TMEM260: variants seen among roughly 807,000 people sequenced by gnomAD.
TMEM260 encodes the protein transmembrane protein 260.
A neutral mutation model predicts 88.9 loss-of-function variants in TMEM260; 82 were observed. The observed-to-expected ratio is 0.92, with a 90% CI of 0.77 to 1.11. The LOEUF (loss-of-function observed/expected upper bound fraction) is 1.11, where lower values mean the gene tolerates loss of function less well. TMEM260 is among the 50% of genes least tolerant of loss of function. The pLI, the probability that TMEM260 is intolerant of heterozygous loss-of-function variation, is 0.00. For synonymous variants in TMEM260, 314 were observed against 309.3 expected (o/e 1.02, Z -0.16); for missense variants, 902 against 853.4 (o/e 1.06, Z -0.71).
chr14:56,647,214 G>T (rs2139662676), intron 15 of TMEM260, 29 bp from the exon 16 acceptor site: 2 of 1,557,586 alleles, frequency 1.3e-6, no homozygotes, highest in Admixed American at 2.0e-5. Flanking sequence ...GAATAACAAT[G>T]GAATACCAAC....
At chr14:56,633,385 G>C (rs1025564907) in intron 13 of TMEM260, 3 of 406,644 alleles carry the variant, frequency 7.4e-6, no homozygotes, top group Non-Finnish European at 1.3e-5. Context: ...AGGGAAGAGG[G>C]TGCTGGTTGT....
the TMEM260 span, among the ~76,000 whole-genome samples, chr14:56,659,264 T>TG: frequency 6.7e-6 from 1 of 148,212 alleles, no homozygotes; most frequent in African/African-American, 2.6e-5. Flanking sequence ...GGTTTTTGTT[T>TG]TTTTTTTTTT....
chr14:56,599,889 GTC>G (rs1886465228), intron 3 of TMEM260, among the ~76,000 whole-genome samples: 1 of 152,062 alleles, frequency 6.6e-6, no homozygotes, highest in African/African-American at 2.4e-5. Context: ...TGTTTAAACT[GTC>G]TGTCATCCTC....
intron 15 of TMEM260, chr14:56,638,446 T>A (rs1444404853): frequency 1.3e-5 from 2 of 152,174 alleles, no homozygotes; most frequent in Admixed American, 1.3e-4. Flanking sequence ...AAACTGAGAC[T>A]TACTTACTGA....
At chr14:56,654,367 C>G (rs1020622033), downstream of TMEM260, among the ~76,000 whole-genome samples, 2 of 151,994 alleles carry the variant, frequency 1.3e-5, no homozygotes, top group African/African-American at 4.8e-5. Flanking sequence ...TATTTCTTAC[C>G]CCTCTTAAGT....
chr14:56,583,873 G>C (rs1239895080), intron 1 of TMEM260, among the ~76,000 whole-genome samples: 2 of 152,136 alleles, frequency 1.3e-5, no homozygotes, highest in Non-Finnish European at 2.9e-5. Context: ...TATAAGCCTA[G>C]AAAAGGGACC....
intron 15 of TMEM260, among the ~76,000 whole-genome samples, chr14:56,645,194 C>T (rs1451266223): frequency 2.7e-5 from 4 of 150,664 alleles, no homozygotes; most frequent in Non-Finnish European, 4.4e-5. Context: ...CACATGCACA[C>T]ATATGTTTAT....
At chr14:56,600,761 G>C (rs868345647) in intron 3 of TMEM260, among the ~76,000 whole-genome samples, 1 of 152,182 alleles carries the variant, frequency 6.6e-6, no homozygotes, top group South Asian at 2.1e-4. Flanking sequence ...CTACGCTTTT[G>C]TGTGCAGTAC....
rs1447879935 is a variant in TMEM260, at chr14:56,649,384, G to A, written c.*1887G>A. 2.6e-5 allele frequency: 4 copies of A among 152,506 alleles called. No homozygotes were observed. Among genetic ancestry groups the A allele is most frequent in the East Asian group, 1.9e-4 (1 of 5,182 alleles). The allele number at this position is 152,506 out of a possible 1,614,324, so 9.4% of individuals were successfully genotyped here. A position where few individuals can be genotyped will look rare whatever the true frequency, so the allele number is the denominator to read the frequency against. ...AAACAAAAACCTGTTGGAGTTCAGCGTGGTGTAAAAATGTAAGGAAGCATT... is the reference window on the plus strand; with the variant it reads ...AAACAAAAACCTGTTGGAGTTCAGCATGGTGTAAAAATGTAAGGAAGCATT... On this transcript the variant is annotated 3_prime_UTR_variant, in exon 16 of 16. Transcript: ENST00000261556.
At position 56,608,088 on chromosome 14, in the gene TMEM260, C is replaced by G. The variant is rs17091796; in HGVS notation, c.637-1018C>G. Among the ~76,000 whole-genome samples the G allele has an allele frequency of 8.4e-3, 1,275 of 152,286 alleles. 34 individuals carry two copies. The East Asian group carries it at 0.085, about 10-fold the overall frequency. On this transcript the variant is annotated intron_variant, in intron 5 of 15. Transcript: ENST00000261556. ...TCCTTTCATGCCATCATTTTTTATG[C>G]ATCTCATTACTGCTATAGAAATCTC...
intron 3 of TMEM260, among the ~76,000 whole-genome samples, chr14:56,595,958 A>T (rs908192644): frequency 6.6e-6 from 1 of 152,186 alleles, no homozygotes; most frequent in Non-Finnish European, 1.5e-5. Context: ...TTTCTGGAAG[A>T]TCTATCCATA....
chr14:56,660,547 T>C, the TMEM260 span, among the ~76,000 whole-genome samples: 2 of 152,152 alleles, frequency 1.3e-5, no homozygotes, highest in Non-Finnish European at 2.9e-5. Flanking sequence ...AGATGGAAAT[T>C]TGAAGGAGAA....
intron 15 of TMEM260, among the ~76,000 whole-genome samples, chr14:56,639,770 G>C (rs140918819): frequency 2.6e-5 from 4 of 152,150 alleles, no homozygotes; most frequent in Non-Finnish European, 4.4e-5. Context: ...CTGGAAAATC[G>C]GGTCACTCCC....
In TMEM260 at chr14:56,596,794, A is replaced by AAAAAAAATATAT. The variant is rs59623466; in HGVS notation, c.345-7020_345-7019insAAAAAATATATA. 6.1e-4 allele frequency among the ~76,000 whole-genome samples: 83 copies of AAAAAAAATATAT among 136,290 alleles called. 1 individual carries two copies. Among genetic ancestry groups the AAAAAAAATATAT allele is most frequent in the African/African-American group, 2.2e-3 (79 of 35,910 alleles). 89.4% of individuals were successfully genotyped at this position (136,290 alleles called of 152,430 possible). A position where few individuals can be genotyped will look rare whatever the true frequency, so the allele number is the denominator to read the frequency against. On this transcript the variant is annotated intron_variant, in intron 3 of 15. Coordinates refer to ENST00000261556, the MANE Select transcript of TMEM260 (RefSeq NM_017799.4). The stretch of plus-strand genomic sequence containing the variant: ...AAAAAAAAAAAAAATTAAAAAAAAA[A>AAAAAAAATATAT]ATATATATATATACACACACACACC...
intron 1 of TMEM260, among the ~76,000 whole-genome samples, chr14:56,582,831 C>T (rs1566521997): frequency 6.6e-6 from 1 of 152,076 alleles, no homozygotes; most frequent in East Asian, 1.9e-4. Context: ...CCCTTTAGAT[C>T]TTTATCAAGG....
At chr14:56,616,735 T>G (rs1248429746) in intron 8 of TMEM260, among the ~76,000 whole-genome samples, 1 of 152,210 alleles carries the variant, frequency 6.6e-6, no homozygotes, top group Non-Finnish European at 1.5e-5. Flanking sequence ...GATAAATAAC[T>G]GAGTCAATGA....
At chr14:56,604,229 G>A (rs994105227) in intron 4 of TMEM260, among the ~76,000 whole-genome samples, 2 of 151,876 alleles carry the variant, frequency 1.3e-5, no homozygotes, top group Non-Finnish European at 2.9e-5. Context: ...AGAATTAGAG[G>A]ATTATAAAAT....
At chr14:56,662,972 T>C in the TMEM260 span, among the ~76,000 whole-genome samples, 1 of 152,018 alleles carries the variant, frequency 6.6e-6, no homozygotes, top group Non-Finnish European at 1.5e-5. Context: ...CTACTAAAAA[T>C]ACAAAATTAG....
At chr14:56,607,129 T>C (rs115430689) in intron 5 of TMEM260, among the ~76,000 whole-genome samples, 314 of 152,302 alleles carry the variant, frequency 2.1e-3, no homozygotes, top group African/African-American at 7.3e-3. Context: ...ATACGAAATA[T>C]AACTCAGTGA....
Sources: allele counts gnomAD v4.1 joint callset (sites outside exome capture counted in the v4.1 genomes callset), GRCh38; gene constraint gnomAD v4.1.1; transcripts MANE v1.5; gene names NCBI Gene and HGNC (gene_info 2026-07-23, HGNC 2026-07-21).